UBE2E3: variants seen among roughly 807,000 people sequenced by gnomAD.
UBE2E3 encodes the protein ubiquitin conjugating enzyme E2 E3.
In UBE2E3, 5 loss-of-function variants were observed where a neutral mutation model predicts 23.6. That is an observed-to-expected ratio of 0.21 (90% CI 0.11 to 0.44). UBE2E3 has a LOEUF of 0.44. Among genes scored for constraint, UBE2E3 ranks in the 20% least tolerant of loss-of-function variants. UBE2E3 has a pLI of 0.99. For synonymous variants in UBE2E3, 78 were observed against 87.5 expected (o/e 0.89, Z 0.60); for missense variants, 81 against 249.8 (o/e 0.32, Z 4.55).
chr2:181,058,685 A>G (rs1166023162), intron 4 of UBE2E3, among the ~76,000 whole-genome samples: 2 of 151,562 alleles, frequency 1.3e-5, no homozygotes, highest in Non-Finnish European at 3.0e-5. Context: ...TTAAAAATTT[A>G]TGTTGCAGTC....
chr2:181,020,034 A>C (rs893983853), intron 3 of UBE2E3, among the ~76,000 whole-genome samples: 2 of 151,770 alleles, frequency 1.3e-5, no homozygotes, highest in African/African-American at 4.8e-5. Context: ...CTAGTGTTCT[A>C]CTCTTTGCAT....
At chr2:181,060,872 T>A in intron 5 of UBE2E3, 60 bp downstream of exon 5, 5 of 1,146,606 alleles carry the variant, frequency 4.4e-6, no homozygotes, top group Non-Finnish European at 5.8e-6. Context: ...TTTTTTTTTT[T>A]TTTTTTTTTT....
intron 3 of UBE2E3, among the ~76,000 whole-genome samples, chr2:181,040,677 A>AG: frequency 6.6e-6 from 1 of 152,222 alleles, no homozygotes; most frequent in East Asian, 1.9e-4. Context: ...GATGGATCAT[A>AG]GGTAAAAAAT....
At chr2:181,018,236 C>A (rs942669156) in intron 3 of UBE2E3, among the ~76,000 whole-genome samples, 4 of 152,072 alleles carry the variant, frequency 2.6e-5, no homozygotes, top group African/African-American at 9.7e-5. Flanking sequence ...ATAAAGAACA[C>A]TAATTATGTT....
At chr2:180,999,343 G>A (rs971663302) in intron 3 of UBE2E3, among the ~76,000 whole-genome samples, 4 of 152,142 alleles carry the variant, frequency 2.6e-5, no homozygotes, top group Admixed American at 6.5e-5. Context: ...CACCAGTTGT[G>A]AGCCTTTTGG....
intron 3 of UBE2E3, among the ~76,000 whole-genome samples, chr2:181,055,250 A>T (rs895469861): frequency 2.0e-5 from 3 of 151,788 alleles, no homozygotes; most frequent in Non-Finnish European, 4.4e-5. Flanking sequence ...TAGAGATTTT[A>T]AAAAATAATA....
intron 3 of UBE2E3, among the ~76,000 whole-genome samples, chr2:180,988,196 A>G (rs1371489173): frequency 6.6e-6 from 1 of 152,174 alleles, no homozygotes; most frequent in African/African-American, 2.4e-5. Flanking sequence ...CAAGATAAAA[A>G]TGGGAGAGAC....
chr2:181,024,281 G>T (rs1685805765), intron 3 of UBE2E3, among the ~76,000 whole-genome samples: 1 of 152,082 alleles, frequency 6.6e-6, no homozygotes, highest in African/African-American at 2.4e-5. Context: ...AACTTAAAGT[G>T]AGCTATGAAT....
chr2:181,011,251 G>GTGC (rs961384020), intron 3 of UBE2E3, among the ~76,000 whole-genome samples: 17 of 152,152 alleles, frequency 1.1e-4, no homozygotes, highest in African/African-American at 3.4e-4. Flanking sequence ...CAATATCAGG[G>GTGC]TGCTGGCAGG....
At chr2:181,012,548 T>C (rs1574181071) in intron 3 of UBE2E3, among the ~76,000 whole-genome samples, 1 of 152,276 alleles carries the variant, frequency 6.6e-6, no homozygotes. Flanking sequence ...CAACCACACA[T>C]TGTCACATAA....
chr2:181,053,584 G>A (rs1255390089), intron 3 of UBE2E3, among the ~76,000 whole-genome samples: 1 of 88,874 alleles, frequency 1.1e-5, no homozygotes. Flanking sequence ...GCAAAATTGA[G>A]TGAAAACCCC....
At chr2:181,057,207 T>TTATA (rs1687013063) in intron 3 of UBE2E3, among the ~76,000 whole-genome samples, 1 of 151,852 alleles carries the variant, frequency 6.6e-6, no homozygotes, top group Admixed American at 6.6e-5. Flanking sequence ...GTTGACAACA[T>TTATA]TATAATACAA....
intron 5 of UBE2E3, among the ~76,000 whole-genome samples, chr2:181,061,728 G>A (rs1281187950): frequency 6.6e-6 from 1 of 150,856 alleles, no homozygotes; most frequent in Non-Finnish European, 1.5e-5. Flanking sequence ...ACTTGATAAA[G>A]TGATGTTTAG....
chr2:181,010,143 C>T (rs187723222), intron 3 of UBE2E3, among the ~76,000 whole-genome samples: 3 of 152,228 alleles, frequency 2.0e-5, no homozygotes, highest in East Asian at 1.9e-4. Flanking sequence ...ACTACTACTC[C>T]TACCATAATG....
At chr2:181,010,810 TC>T (rs1375110943) in intron 3 of UBE2E3, among the ~76,000 whole-genome samples, 58 of 151,402 alleles carry the variant, frequency 3.8e-4, no homozygotes, top group African/African-American at 1.3e-3. Flanking sequence ...CATATCCTCC[TC>T]TTTTTTTTTT....
At chr2:180,991,849 T>C (rs1010325555) in intron 3 of UBE2E3, among the ~76,000 whole-genome samples, 3 of 152,138 alleles carry the variant, frequency 2.0e-5, no homozygotes, top group African/African-American at 7.2e-5. Flanking sequence ...AATGTGAGAT[T>C]TCATCGTGCT....
At chr2:181,057,088 G>A (rs1007283882) in intron 3 of UBE2E3, among the ~76,000 whole-genome samples, 4 of 151,672 alleles carry the variant, frequency 2.6e-5, no homozygotes, top group Admixed American at 2.0e-4. Context: ...AAAGAAAGGC[G>A]GAAAGGACCC....
intron 3 of UBE2E3, chr2:180,989,867 A>G: frequency 6.5e-7 from 1 of 1,541,314 alleles, no homozygotes; most frequent in Non-Finnish European, 8.8e-7. Flanking sequence ...ACAGATGGAT[A>G]TGTTTACTTT....
chr2:181,021,598 CCCTTCCTT>C (rs1316418116), intron 3 of UBE2E3, among the ~76,000 whole-genome samples: 3 of 98,368 alleles, frequency 3.0e-5, no homozygotes, highest in Admixed American at 1.0e-4. Flanking sequence ...CTTCCTCCCT[CCCTTCCTT>C]CCTTCCTCCC....
Sources: gnomAD v4.1 joint callset for allele counts (sites outside exome capture counted in the v4.1 genomes callset) on GRCh38, gnomAD v4.1.1 for gene constraint, MANE v1.5 for transcripts, NCBI Gene and HGNC (gene_info 2026-07-23, HGNC 2026-07-21) for gene names.